GRM5: variants seen among roughly 807,000 people sequenced by gnomAD.
The protein encoded by GRM5 is metabotropic glutamate receptor 5.
Under a neutral mutation model 83.1 loss-of-function variants are expected in GRM5, and 19 were observed. The ratio of observed to expected loss-of-function variants is 0.23; its 90% CI spans 0.16 to 0.34. GRM5 has a LOEUF of 0.34. Ranked by LOEUF, GRM5 falls within the 10% of genes least tolerant of loss-of-function variation. The pLI, the probability that GRM5 is intolerant of heterozygous loss-of-function variation, is 1.00. For missense variants in GRM5, 1,160 were observed against 1,588.3 expected (o/e 0.73, Z 4.58); for synonymous variants, 675 against 633.6 (o/e 1.07, Z -0.98).
At chr11:88,871,780 G>A (rs1944772068) in intron 2 of GRM5, among the ~76,000 whole-genome samples, 1 of 151,398 alleles carries the variant, frequency 6.6e-6, no homozygotes, top group Admixed American at 6.6e-5. Flanking sequence ...ATTTATAGGT[G>A]TTGAACAAAT....
intron 1 of GRM5, among the ~76,000 whole-genome samples, chr11:89,058,508 T>G (rs539595100): frequency 1.3e-5 from 2 of 152,294 alleles, no homozygotes; most frequent in East Asian, 3.9e-4. Context: ...GACATAGTCA[T>G]GAAAGAAGAG....
chr11:88,832,581 C>T (rs906761197), intron 3 of GRM5, among the ~76,000 whole-genome samples: 1 of 151,822 alleles, frequency 6.6e-6, no homozygotes, highest in Non-Finnish European at 1.5e-5. Context: ...TTTAAAAATA[C>T]CAATAATATT....
At chr11:88,649,278 T>C (rs1353001425) in intron 4 of GRM5, among the ~76,000 whole-genome samples, 2 of 18,212 alleles carry the variant, frequency 1.1e-4, no homozygotes, top group East Asian at 1.2e-3. Context: ...TTATATATTA[T>C]ATATATGTAA....
At chr11:88,585,692 T>C (rs34543276) in intron 7 of GRM5, among the ~76,000 whole-genome samples, 2 of 152,318 alleles carry the variant, frequency 1.3e-5, no homozygotes, top group Non-Finnish European at 2.9e-5. Context: ...GCTTTTACTG[T>C]TATGGGCTCT....
intron 3 of GRM5, among the ~76,000 whole-genome samples, chr11:88,730,653 G>C (rs1033379765): frequency 6.6e-6 from 1 of 152,134 alleles, no homozygotes; most frequent in Non-Finnish European, 1.5e-5. Context: ...ATAAAAAAAT[G>C]TGGCACATAC....
chr11:88,699,064 T>C (rs1940967163), intron 3 of GRM5, among the ~76,000 whole-genome samples: 1 of 151,344 alleles, frequency 6.6e-6, no homozygotes. Context: ...AAACGAACAA[T>C]TCTGCATTAG....
chr11:88,567,195 C>T lies in GRM5; in HGVS notation c.2488G>A (p.Glu830Lys), dbSNP rs201432195. Residue 830 changes from glutamate (E) to lysine (K), a missense_variant, in exon 8 of 10, where the codon GAG becomes AAG. Physicochemically the swap from Glu to Lys is moderately conservative, Grantham distance 56. This residue lies in a region of GRM5 where 66 missense variants were observed against 138.6 expected (regional missense o/e 0.48). Coordinates refer to ENST00000305447, the MANE Select transcript of GRM5 (RefSeq NM_001143831.3). The surrounding 1 kb of genome is among the most constrained non-coding windows in gnomAD (Gnocchi z 7.3). ...GTGAAGGCGCTGCGCACGTTTCTCT[C>T]TGGTTTGGCCAGGATGATGTACACC... Reference protein sequence around the residue: ...PKVYIILAKPERNVRSAFTTS... With the variant: ...PKVYIILAKPKRNVRSAFTTS... 6.2e-7 allele frequency: 1 copy of T among 1,614,146 alleles called. No individual in the cohort carries two copies. The highest frequency in any genetic ancestry group is 8.5e-7 in the Non-Finnish European group (1 of 1,179,998).
At chr11:88,715,849 A>G (rs1442981987) in intron 3 of GRM5, among the ~76,000 whole-genome samples, 2 of 152,010 alleles carry the variant, frequency 1.3e-5, no homozygotes. Context: ...CTGGTTGTAT[A>G]TAAGAATAAC....
chr11:88,969,819 C>T (rs1331421717), intron 2 of GRM5, among the ~76,000 whole-genome samples: 1 of 152,072 alleles, frequency 6.6e-6, no homozygotes, highest in Non-Finnish European at 1.5e-5. Context: ...TTCAGCATGA[C>T]ATATATAGCT....
chr11:88,681,418 C>G (rs770947663), intron 3 of GRM5, among the ~76,000 whole-genome samples: 1 of 151,726 alleles, frequency 6.6e-6, no homozygotes, highest in African/African-American at 2.4e-5. Flanking sequence ...TCTCTTGAAC[C>G]CTTTCTTTTT....
intron 3 of GRM5, among the ~76,000 whole-genome samples, chr11:88,844,156 A>T (rs1459231457): frequency 6.6e-6 from 1 of 152,160 alleles, no homozygotes; most frequent in Admixed American, 6.5e-5. Context: ...GGACAGACTA[A>T]CTCTTCTATG....
At chr11:88,546,088 T>C (rs1163804236) in intron 8 of GRM5, among the ~76,000 whole-genome samples, 2 of 152,010 alleles carry the variant, frequency 1.3e-5, no homozygotes, top group Admixed American at 6.6e-5. Flanking sequence ...TTGGGATACA[T>C]ACCTCCACCT....
At chr11:88,916,989 A>G (rs1476618056) in intron 2 of GRM5, among the ~76,000 whole-genome samples, 1 of 152,110 alleles carries the variant, frequency 6.6e-6, no homozygotes, top group Non-Finnish European at 1.5e-5. Flanking sequence ...CATTGAATAT[A>G]CAGCAGCCAT....
chr11:88,930,134 G>T (rs1471532184), intron 2 of GRM5, among the ~76,000 whole-genome samples: 1 of 152,066 alleles, frequency 6.6e-6, no homozygotes, highest in Non-Finnish European at 1.5e-5. Flanking sequence ...AATAATTTGT[G>T]CTGGGTGCAG....
At chr11:88,892,457 G>T (rs987053586) in intron 2 of GRM5, among the ~76,000 whole-genome samples, 2 of 151,974 alleles carry the variant, frequency 1.3e-5, no homozygotes, top group Non-Finnish European at 2.9e-5. Flanking sequence ...GCTTGAAGAG[G>T]TATTATCTGA....
intron 4 of GRM5, among the ~76,000 whole-genome samples, chr11:88,631,118 T>C (rs1459449280): frequency 6.6e-6 from 1 of 152,182 alleles, no homozygotes; most frequent in African/African-American, 2.4e-5. Context: ...CCTTCCCACA[T>C]AGTTGTCATG....
chr11:88,543,783 G>A (rs907419359), intron 8 of GRM5, among the ~76,000 whole-genome samples: 3 of 151,958 alleles, frequency 2.0e-5, no homozygotes, highest in Non-Finnish European at 4.4e-5. Flanking sequence ...TTATCTGGGG[G>A]AAGGATGGTA....
intron 8 of GRM5, among the ~76,000 whole-genome samples, chr11:88,527,198 G>T (rs1205704919): frequency 6.6e-6 from 1 of 152,132 alleles, no homozygotes; most frequent in East Asian, 1.9e-4. Flanking sequence ...AAAGAATATT[G>T]ATAGAATAAT....
intron 3 of GRM5, among the ~76,000 whole-genome samples, chr11:88,780,289 A>T (rs1335546103): frequency 1.3e-5 from 2 of 152,138 alleles, no homozygotes; most frequent in Non-Finnish European, 2.9e-5. Flanking sequence ...TATTACTTCC[A>T]TTGGGGCATC....
Sources: gnomAD v4.1 joint callset for allele counts (sites outside exome capture counted in the v4.1 genomes callset) on GRCh38, gnomAD v4.1.1 for gene constraint, gnomAD v4.1.1 regional missense constraint, Gnocchi (gnomAD v3.1) non-coding constraint, MANE v1.5 for transcripts, NCBI Gene and HGNC (gene_info 2026-07-23, HGNC 2026-07-21) for gene names.